Variants in GALNT13 observed in about 807,000 individuals in gnomAD.
GALNT13 encodes polypeptide N-acetylgalactosaminyltransferase 13, also known as UDP-GalNAc:polypeptide N-acetylgalactosaminyltransferase 13.
GALNT13 carries 28 observed loss-of-function variants against 64.2 expected under a neutral mutation model. The observed-to-expected ratio is 0.44, with a 90% CI of 0.32 to 0.60. The LOEUF (loss-of-function observed/expected upper bound fraction) is 0.60. Among genes scored for constraint, GALNT13 ranks in the 20% least tolerant of loss-of-function variants. The probability of loss-of-function intolerance (pLI) is 0.05; values close to 1 mark genes in which losing one functional copy is unlikely to be tolerated. For synonymous variants in GALNT13, 214 were observed against 224.6 expected (o/e 0.95, Z 0.42); for missense variants, 577 against 669.8 (o/e 0.86, Z 1.53).
intron 9 of GALNT13, among the ~76,000 whole-genome samples, chr2:154,341,581 T>A (rs1165508393): frequency 2.0e-5 from 3 of 151,566 alleles, no homozygotes; most frequent in African/African-American, 7.3e-5. Context: ...TGCAGCAAAG[T>A]GAGAAGTTGT....
At chr2:154,139,224 T>G (rs1051224401) in intron 3 of GALNT13, among the ~76,000 whole-genome samples, 4 of 152,098 alleles carry the variant, frequency 2.6e-5, no homozygotes, top group Admixed American at 2.6e-4. Context: ...GATGGTTGGC[T>G]CAGAGCAAAA....
At chr2:154,115,081 G>T (rs577795900) in intron 3 of GALNT13, among the ~76,000 whole-genome samples, 24 of 152,086 alleles carry the variant, frequency 1.6e-4, no homozygotes, top group Non-Finnish European at 3.2e-4. Flanking sequence ...ATTGGTCAAG[G>T]GTATGTCTTC....
At chr2:154,406,960 C>T (rs1699573780) in intron 10 of GALNT13, among the ~76,000 whole-genome samples, 2 of 152,172 alleles carry the variant, frequency 1.3e-5, no homozygotes, top group Admixed American at 1.3e-4. Flanking sequence ...TAGGTTGTTA[C>T]TGAAGGCAAA....
chr2:153,931,605 A>G (rs1193979011), intron 2 of GALNT13, among the ~76,000 whole-genome samples: 1 of 152,112 alleles, frequency 6.6e-6, no homozygotes, highest in Non-Finnish European at 1.5e-5. Flanking sequence ...TATCAAGATG[A>G]TCATGTGGTT....
intron 4 of GALNT13, among the ~76,000 whole-genome samples, chr2:154,237,873 A>G (rs1215554536): frequency 6.6e-6 from 1 of 152,024 alleles, no homozygotes; most frequent in Non-Finnish European, 1.5e-5. Flanking sequence ...TTGTCTGAAG[A>G]GAACAAGATA....
chr2:153,391,492 G>A, the GALNT13 span, among the ~76,000 whole-genome samples: 1 of 152,026 alleles, frequency 6.6e-6, no homozygotes, highest in Non-Finnish European at 1.5e-5. Context: ...GAGATTGTAA[G>A]ATATTTCTAC....
At chr2:153,637,318 T>A in the GALNT13 span, among the ~76,000 whole-genome samples, 1 of 152,168 alleles carries the variant, frequency 6.6e-6, no homozygotes, top group Admixed American at 6.6e-5. Flanking sequence ...CTGCAATCTA[T>A]CACATGATCT....
At chr2:153,603,336 C>A in the GALNT13 span, among the ~76,000 whole-genome samples, 1 of 151,862 alleles carries the variant, frequency 6.6e-6, no homozygotes, top group Non-Finnish European at 1.5e-5. Flanking sequence ...AGGAAAAGAA[C>A]TAAGCCCCAA....
chr2:154,237,068 AT>A (rs1345728661), intron 4 of GALNT13, among the ~76,000 whole-genome samples: 2 of 151,954 alleles, frequency 1.3e-5, no homozygotes, highest in East Asian at 1.9e-4. Context: ...TTACTAAATT[AT>A]TTTTATTGCA....
At chr2:154,340,708 T>C (rs1695713348) in intron 9 of GALNT13, among the ~76,000 whole-genome samples, 1 of 152,100 alleles carries the variant, frequency 6.6e-6, no homozygotes, top group Admixed American at 6.6e-5. Flanking sequence ...AAAATAAATA[T>C]GTAAATGTAA....
intron 4 of GALNT13, among the ~76,000 whole-genome samples, chr2:154,180,995 G>C (rs1685929887): frequency 6.6e-6 from 1 of 152,122 alleles, no homozygotes; most frequent in African/African-American, 2.4e-5. Flanking sequence ...CCGGTGAGTG[G>C]TATTGTCAGG....
the GALNT13 span, among the ~76,000 whole-genome samples, chr2:153,821,426 A>T: frequency 1.3e-5 from 2 of 152,186 alleles, no homozygotes; most frequent in Admixed American, 1.3e-4. Flanking sequence ...ATATAAATCA[A>T]TACCAAGAAG....
At chr2:153,868,752 C>G (rs1373583), upstream of GALNT13, among the ~76,000 whole-genome samples, 132,830 of 152,216 alleles carry the variant, frequency 0.87, 58,894 homozygotes, top group Middle Eastern at 0.95. Context: ...AATAGACATT[C>G]TTGGCCTGGT....
the GALNT13 span, among the ~76,000 whole-genome samples, chr2:153,376,179 T>A: frequency 2.4e-3 from 358 of 152,226 alleles, no homozygotes; most frequent in African/African-American, 8.3e-3. Context: ...CTATAACAAA[T>A]TTGGATCTTG....
chr2:153,286,113 A>G, the GALNT13 span, among the ~76,000 whole-genome samples: 1 of 152,162 alleles, frequency 6.6e-6, no homozygotes, highest in Non-Finnish European at 1.5e-5. Context: ...TAAAAGTACT[A>G]GGAAATGATG....
At chr2:154,147,381 T>TA (rs1683673748) in intron 4 of GALNT13, among the ~76,000 whole-genome samples, 16 of 144,242 alleles carry the variant, frequency 1.1e-4, no homozygotes, top group African/African-American at 3.5e-4. Flanking sequence ...GAATGGAATT[T>TA]TATATATATA....
intron 12 of GALNT13, among the ~76,000 whole-genome samples, chr2:154,447,101 G>A (rs1008728651): frequency 7.3e-5 from 11 of 151,498 alleles, no homozygotes; most frequent in Middle Eastern, 3.4e-3. Flanking sequence ...CAGGTTCTGC[G>A]TCATCAGATC....
the GALNT13 span, among the ~76,000 whole-genome samples, chr2:153,493,965 A>C: frequency 6.6e-6 from 1 of 151,976 alleles, no homozygotes; most frequent in Non-Finnish European, 1.5e-5. Flanking sequence ...CTATACAAGC[A>C]CGGCTCCACC....
chr2:153,491,791 T>A, the GALNT13 span, among the ~76,000 whole-genome samples: 42 of 152,016 alleles, frequency 2.8e-4, no homozygotes, highest in South Asian at 8.7e-3. Context: ...CAACTAATTT[T>A]TGTATTTTCA....
Sources: allele counts gnomAD v4.1 joint callset (sites outside exome capture counted in the v4.1 genomes callset), GRCh38; gene constraint gnomAD v4.1.1; transcripts MANE v1.5; gene names NCBI Gene and HGNC (gene_info 2026-07-23, HGNC 2026-07-21).